The following WDR19 variants were observed in gnomAD, a reference collection of about 807,000 sequenced individuals.
WDR19 encodes WD repeat-containing protein 19.
WDR19 carries 121 observed loss-of-function variants against 180.0 expected under a neutral mutation model. The observed-to-expected ratio is 0.67, with a 90% CI of 0.58 to 0.78. WDR19 has a LOEUF of 0.78. Among genes scored for constraint, WDR19 ranks in the 30% least tolerant of loss-of-function variants. WDR19 has a pLI of 0.00. For missense variants in WDR19, 1,450 were observed against 1,640.7 expected (o/e 0.88, Z 2.01); for synonymous variants, 497 against 540.7 (o/e 0.92, Z 1.12).
intron 18 of WDR19, 34 bp downstream of exon 18, chr4:39,231,990 A>T: frequency 6.3e-7 from 1 of 1,595,572 alleles, no homozygotes; most frequent in Non-Finnish European, 8.6e-7. Context: ...TCAAGTTAAA[A>T]TTTAAATGCT....
At chr4:39,187,248 G>A (rs908379799) in intron 3 of WDR19, among the ~76,000 whole-genome samples, 4 of 151,782 alleles carry the variant, frequency 2.6e-5, no homozygotes, top group East Asian at 1.9e-4. Flanking sequence ...GTCAAACCTC[G>A]TCTCCACTAA....
intron 9 of WDR19, among the ~76,000 whole-genome samples, chr4:39,210,121 T>TA (rs1459613371): frequency 6.6e-6 from 1 of 152,192 alleles, no homozygotes; most frequent in Non-Finnish European, 1.5e-5. Context: ...ACCAATTTTT[T>TA]AAAAATCTCT....
intron 12 of WDR19, among the ~76,000 whole-genome samples, chr4:39,216,476 C>T (rs1004753784): frequency 6.6e-6 from 1 of 152,178 alleles, no homozygotes; most frequent in Non-Finnish European, 1.5e-5. Context: ...TTAATTTCCC[C>T]TTCTGCCTCT....
rs373036887 is a variant in WDR19 at position 39,216,181 on chromosome 4, G to A, written c.1220G>A (p.Arg407Gln). 2 of 1,580,792 alleles carry A rather than the reference G, an allele frequency of 1.3e-6. No individual in the cohort carries two copies. The highest frequency in any genetic ancestry group is 2.4e-5 in the South Asian group (2 of 84,508). ...LYHLAVGMNN[R>Q]AWFYVLGENA... is the part of the protein sequence containing the mutation. The stretch of plus-strand genomic sequence containing the variant: ...CATCTGGCTGTAGGAATGAATAATC[G>A]AGCTTGGTTTTATGTCCTTGGAGAA... The change falls in exon 12 of 37, where the codon CGA becomes CAA. Residue 407 changes from arginine (R) to glutamine (Q), a missense_variant. Physicochemically the swap from Arg to Gln is conservative, Grantham distance 43. Coordinates refer to ENST00000399820, the MANE Select transcript of WDR19 (RefSeq NM_025132.4).
rs554139836 is a variant in WDR19 at position 39,259,200 on chromosome 4, A to G, written c.3183+1646A>G. On this transcript the variant is annotated intron_variant, in intron 28 of 36. Coordinates refer to ENST00000399820, the MANE Select transcript of WDR19 (RefSeq NM_025132.4). The stretch of plus-strand genomic sequence containing the variant: ...TATGCCCATCCCGAGTTAATTAGGT[A>G]TATGGTGTAAGGTAGGGGTCAAGGA... 2.0e-5 allele frequency among the ~76,000 whole-genome samples: 3 copies of G among 152,358 alleles called. No homozygotes were observed. In the South Asian group the frequency reaches 6.2e-4, roughly 32 times the overall value.
rs775640673 is a variant in WDR19, at chr4:39,257,476, C to T, written c.3115-10C>T. On this transcript the variant is annotated splice_polypyrimidine_tract_variant and intron_variant, in intron 27 of 36. Coordinates refer to ENST00000399820, the MANE Select transcript of WDR19 (RefSeq NM_025132.4). ...CTGAAAATTTTTAATTGCTGTAATT[C>T]GCTTTTCAGGCACTTAAACACTTCC... The T allele has an allele frequency of 1.5e-5, 24 of 1,569,236 alleles. No individual in the cohort carries two copies. Among genetic ancestry groups the T allele is most frequent in the East Asian group, 9.3e-5 (4 of 43,106 alleles).
Sources: allele counts gnomAD v4.1 joint callset (sites outside exome capture counted in the v4.1 genomes callset), GRCh38; gene constraint gnomAD v4.1.1; transcripts MANE v1.5; gene names NCBI Gene and HGNC (gene_info 2026-07-23, HGNC 2026-07-21).